Variants in VWA5B2 observed in about 807,000 individuals in gnomAD.
VWA5B2 encodes the protein von Willebrand factor A domain containing 5B2.
Under a neutral mutation model 118.5 loss-of-function variants are expected in VWA5B2, and 93 were observed. That is an observed-to-expected ratio of 0.79 (90% CI 0.66 to 0.93). The LOEUF (loss-of-function observed/expected upper bound fraction) is 0.93, where lower values mean the gene tolerates loss of function less well. VWA5B2 is among the 40% of genes least tolerant of loss of function. VWA5B2 has a pLI of 0.00. For missense variants in VWA5B2, 1,546 were observed against 1,672.8 expected, an observed-to-expected ratio of 0.92 and a Z score of 1.32; for synonymous variants, 708 against 716.3, an observed-to-expected ratio of 0.99 and a Z score of 0.19.
chr3:184,239,915 C>T lies in VWA5B2; in HGVS notation c.2619C>T (p.Pro873=), dbSNP rs1560157022. The T allele has an allele frequency of 6.4e-7, 1 of 1,551,548 alleles. No homozygotes were observed. The highest frequency in any genetic ancestry group is 8.7e-7 in the Non-Finnish European group (1 of 1,146,988). ...GACCTGGAGATGGCTCACAGCCTCCCTCACCTCCTGTAAGAGAAGCTGCTT... is the reference window on the plus strand; with the variant it reads ...GACCTGGAGATGGCTCACAGCCTCCTTCACCTCCTGTAAGAGAAGCTGCTT... ...LWGPGDGSQP[P]SPPVREAAWD... The change falls in exon 16 of 20, where the codon CCC becomes CCT. Residue 873 remains proline (P), a synonymous_variant. Transcript: ENST00000691901. The surrounding 1 kb of genome is among the most constrained non-coding windows in gnomAD (Gnocchi z 5.1).
chr3:184,234,779 G>A (rs1560152393), intron 7 of VWA5B2, 24 bp downstream of exon 7: 1 of 1,550,752 alleles, frequency 6.4e-7, no homozygotes, highest in South Asian at 1.2e-5. Context: ...AGCCTGGCCT[G>A]GCCCCTGGCC....
In VWA5B2 at chr3:184,235,324, G is replaced by T. The variant is rs1444095723; in HGVS notation, c.1101+16G>T. 6.4e-7 allele frequency: 1 copy of T among 1,550,534 alleles called. No individual in the cohort carries two copies. The highest frequency in any genetic ancestry group is 8.7e-7 in the Non-Finnish European group (1 of 1,146,422). On this transcript the variant is annotated intron_variant, in intron 8 of 19. Coordinates refer to ENST00000691901, the MANE Select transcript of VWA5B2 (RefSeq NM_001390846.1). ...GGCACACAAGGCCCGTGGGGGTGTG[G>T]TGTGGGCAGGCCTGGGGGTTGGGTG...
At position 184,236,615 on chromosome 3, in the gene VWA5B2, A is replaced by G. The variant is rs1297164667; in HGVS notation, c.1422-23A>G. 7 of 1,549,818 alleles carry G rather than the reference A, an allele frequency of 4.5e-6. No individual in the cohort carries two copies. The East Asian group carries it at 1.7e-4, about 38-fold the overall frequency. On this transcript the variant is annotated intron_variant, in intron 10 of 19. Transcript: ENST00000691901. ...CCCACAAGGGGCTCCTGAAGATCAC[A>G]GCTGCTTCCTTTCCTTCATCAGATG...
chr3:184,230,554 G>C lies in VWA5B2; in HGVS notation c.26G>C (p.Ser9Thr). The change falls in exon 2 of 20, where the codon AGC becomes ACC. Residue 9 changes from serine (S) to threonine (T), a missense_variant. Ser to Thr is a moderately conservative substitution (Grantham distance 58). Transcript: ENST00000691901. MPGLYCPS[S>T]WTPLPLTDSW... is the part of the protein sequence containing the mutation. ...ATGCCCGGCCTGTACTGCCCCTCCA[G>C]CTGGACGCCGCTGCCGCTCACGGAC... 6.8e-7 allele frequency: 1 copy of C among 1,480,728 alleles called. No individual in the cohort carries two copies. The allele number at this position is 1,480,728 out of a possible 1,614,324, so 91.7% of individuals were successfully genotyped here. A position where few individuals can be genotyped will look rare whatever the true frequency, so the allele number is the denominator to read the frequency against.
At chr3:184,234,875 C>T (rs1717807810) in intron 7 of VWA5B2, 120 bp downstream of exon 7, 1 of 1,399,452 alleles carries the variant, frequency 7.1e-7, no homozygotes, top group Non-Finnish European at 9.6e-7. Context: ...TAAGATCTCT[C>T]CACAGCTGCC....
rs1311968641 is a variant in VWA5B2 at position 184,241,500 on chromosome 3, A to T, written c.3191A>T (p.Gln1064Leu). The T allele has an allele frequency of 2.6e-6, 4 of 1,551,608 alleles. No homozygotes were observed. The highest frequency in any genetic ancestry group is 2.6e-6 in the Non-Finnish European group (3 of 1,147,364). Residue 1064 changes from glutamine to leucine, a missense_variant, in exon 20 of 20, where the codon CAG (glutamine) becomes CTG (leucine). Physicochemically the swap from Gln to Leu is moderately radical, Grantham distance 113 (BLOSUM62 -2). Transcript: ENST00000691901. The surrounding 1 kb of genome is among the most constrained non-coding windows in gnomAD (Gnocchi z 5.1). ...CTCCTCTCTCCTCAGGTGCGGCTGC[A>T]GGAGGCACCAGGCTCCTTCCGCCTG... ...DHDYLPLVRLQEAPGSFRLDA... is the reference protein window; with the variant it reads ...DHDYLPLVRLLEAPGSFRLDA...
At position 184,242,045 on chromosome 3, in the gene VWA5B2, C is replaced by T; in HGVS notation, c.*7C>T. 2 of 1,547,990 alleles carry T rather than the reference C, an allele frequency of 1.3e-6. No homozygotes were observed. The highest frequency in any genetic ancestry group is 1.7e-6 in the Non-Finnish European group (2 of 1,146,862). ...CAGCCCAGCGAACGTGTGAAGGCTG[C>T]CCCCTGCTGCTTGGGCTGGCGCCCC... On this transcript the variant is annotated 3_prime_UTR_variant, in exon 20 of 20. Transcript: ENST00000691901.
In VWA5B2 at chr3:184,238,271, G is replaced by A; in HGVS notation, c.1720-32G>A. The A allele has an allele frequency of 6.9e-7, 1 of 1,458,150 alleles. No individual in the cohort carries two copies. The highest frequency in any genetic ancestry group is 1.4e-5 in the South Asian group (1 of 70,322). 90.3% of individuals were successfully genotyped at this position (1,458,150 alleles called of 1,614,324 possible). A position where few individuals can be genotyped will look rare whatever the true frequency, so the allele number is the denominator to read the frequency against. On this transcript the variant is annotated intron_variant, in intron 12 of 19. Transcript: ENST00000691901. The surrounding 1 kb of genome is among the most constrained non-coding windows in gnomAD (Gnocchi z 5.0). ...TGGAAAGAGGTAGCACATAACTGCA[G>A]TTAATTTTTTTCCCAATAATATTCT...
chr3:184,240,908 C>A lies in VWA5B2; in HGVS notation c.2858C>A (p.Ala953Asp). ...ACTACTAGGGAGGTCCTGCCTGGGGCCCTGCAGGTGTGCAGCTCAGGTAGG... is the reference window on the plus strand; with the variant it reads ...ACTACTAGGGAGGTCCTGCCTGGGGACCTGCAGGTGTGCAGCTCAGGTAGG... ...DATTREVLPG[A>D]LQVCSSEPAE... The change falls in exon 17 of 20, where the codon GCC becomes GAC. Residue 953 changes from alanine (A) to aspartate (D), a missense_variant. This residue lies in a region of VWA5B2 where 763 missense variants were observed against 766.6 expected (regional missense o/e 1.00). Transcript: ENST00000691901. 2 of 1,551,626 alleles carry A rather than the reference C, an allele frequency of 1.3e-6. No homozygotes were observed. Among genetic ancestry groups the A allele is most frequent in the Non-Finnish European group, 1.7e-6 (2 of 1,146,968 alleles).
chr3:184,239,469 C>T lies in VWA5B2; in HGVS notation c.2278C>T (p.Pro760Ser). The change falls in exon 15 of 20, where the codon CCA (proline) becomes TCA (serine). Residue 760 changes from proline to serine, a missense_variant. Transcript: ENST00000691901. The surrounding 1 kb of genome is among the most constrained non-coding windows in gnomAD (Gnocchi z 5.1). ...ALAGRSLSSP[P>S]GRANQVPGRP... ...GGCTGGCCGAAGCCTCTCATCCCCT[C>T]CAGGCCGGGCAAACCAAGTCCCCGG... 1.9e-6 allele frequency: 3 copies of T among 1,550,228 alleles called. No individual in the cohort carries two copies. Among genetic ancestry groups the T allele is most frequent in the Non-Finnish European group, 2.6e-6 (3 of 1,146,608 alleles).
rs1717636800 is a variant in VWA5B2 at position 184,233,554 on chromosome 3, CCCT to C, written c.531-17_531-15del. The stretch of plus-strand genomic sequence containing the variant: ...AGGGGCCTTCACAGTGGCCCAGTGA[CCCT>C]CCTCATGCTCCCTTCCAGCCCCACC... On this transcript the variant is annotated intron_variant, in intron 4 of 19. Transcript: ENST00000691901. This position sits in a 1 kb window ranked among gnomAD's most constrained non-coding sequence, Gnocchi z 5.2. 2 of 1,546,662 alleles carry C rather than the reference CCCT, an allele frequency of 1.3e-6. No individual in the cohort carries two copies. The highest frequency in any genetic ancestry group is 2.0e-5 in the Admixed American group (1 of 50,612).
rs1359888201 is a variant in VWA5B2 at position 184,235,325 on chromosome 3, T to C, written c.1101+17T>C. On this transcript the variant is annotated intron_variant, in intron 8 of 19. Transcript: ENST00000691901. The stretch of plus-strand genomic sequence containing the variant: ...GCACACAAGGCCCGTGGGGGTGTGG[T>C]GTGGGCAGGCCTGGGGGTTGGGTGG... 4 of 1,550,256 alleles carry C rather than the reference T, an allele frequency of 2.6e-6. No homozygotes were observed. Among genetic ancestry groups the C allele is most frequent in the Non-Finnish European group, 2.6e-6 (3 of 1,146,356 alleles).
chr3:184,240,972 C>T (rs960726112), intron 17 of VWA5B2, 44 bp downstream of exon 17: 19 of 1,551,428 alleles, frequency 1.2e-5, no homozygotes, highest in Non-Finnish European at 1.7e-6. Context: ...GCTCTCACCT[C>T]ACTGGCCACT....
rs1577094027 is a variant in VWA5B2, at chr3:184,239,629, T to G, written c.2392+46T>G. On this transcript the variant is annotated intron_variant, in intron 15 of 19. Coordinates refer to ENST00000691901, the MANE Select transcript of VWA5B2 (RefSeq NM_001390846.1). This position sits in a 1 kb window ranked among gnomAD's most constrained non-coding sequence, Gnocchi z 5.1. ...TGGTTTCCCTGACACCAAAGAGGCC[T>G]TGGGGAGGTAAAGCCCAGAGGACCA... 2 of 1,476,742 alleles carry G rather than the reference T, an allele frequency of 1.4e-6. No homozygotes were observed. Among genetic ancestry groups the G allele is most frequent in the Non-Finnish European group, 1.8e-6 (2 of 1,105,892 alleles). 91.5% of individuals were successfully genotyped at this position (1,476,742 alleles called of 1,614,324 possible).
chr3:184,238,922 T>G lies in VWA5B2; in HGVS notation c.2202+49T>G. The G allele has an allele frequency of 2.1e-6, 3 of 1,433,006 alleles. No homozygotes were observed. Among genetic ancestry groups the G allele is most frequent in the Non-Finnish European group, 2.8e-6 (3 of 1,081,306 alleles). 88.8% of individuals were successfully genotyped at this position (1,433,006 alleles called of 1,614,324 possible). A position where few individuals can be genotyped will look rare whatever the true frequency, so the allele number is the denominator to read the frequency against. ...CGCCTTGTATCCAGCAAATATTTAT[T>G]TACCACCTGCTGTGCACCAGATATT... On this transcript the variant is annotated intron_variant, in intron 14 of 19. Coordinates refer to ENST00000691901, the MANE Select transcript of VWA5B2 (RefSeq NM_001390846.1). This position sits in a 1 kb window ranked among gnomAD's most constrained non-coding sequence, Gnocchi z 5.0.
chr3:184,231,581 T>C (rs913356098), intron 3 of VWA5B2, among the ~76,000 whole-genome samples: 2 of 152,260 alleles, frequency 1.3e-5, no homozygotes, highest in African/African-American at 4.8e-5. Context: ...GTTATGGCAC[T>C]TACAGGGGGA....
In VWA5B2 at chr3:184,239,260, CT is replaced by C; in HGVS notation, c.2203-132del. 1 of 982,160 alleles carries C rather than the reference CT, an allele frequency of 1.0e-6. No individual in the cohort carries two copies. The highest frequency in any genetic ancestry group is 1.4e-6 in the Non-Finnish European group (1 of 703,014). 60.8% of individuals were successfully genotyped at this position (982,160 alleles called of 1,614,324 possible). A position where few individuals can be genotyped will look rare whatever the true frequency, so the allele number is the denominator to read the frequency against. ...AGAGGTCACTGTAGGCCATAAGGAACTTGGCCTTCCTCCTCAAGCTGGTGAG... is the reference window on the plus strand; with the variant it reads ...AGAGGTCACTGTAGGCCATAAGGAACTGGCCTTCCTCCTCAAGCTGGTGAG... On this transcript the variant is annotated intron_variant, in intron 14 of 19. Coordinates refer to ENST00000691901, the MANE Select transcript of VWA5B2 (RefSeq NM_001390846.1). The surrounding 1 kb of genome is among the most constrained non-coding windows in gnomAD (Gnocchi z 5.1).
chr3:184,230,293 C>T (rs1275764324), intron 1 of VWA5B2, 87 bp from the exon 2 acceptor site: 4 of 454,156 alleles, frequency 8.8e-6, no homozygotes, highest in Non-Finnish European at 1.5e-5. Context: ...CCCTCCGCGG[C>T]CCGGCTGCCC....
At chr3:184,230,146 C>CG (rs1011003042) in intron 1 of VWA5B2, among the ~76,000 whole-genome samples, 8 of 152,218 alleles carry the variant, frequency 5.3e-5, no homozygotes, top group East Asian at 1.9e-4. Context: ...CTGGCGGCCG[C>CG]GGGGGGCCCC....
Sources: allele counts gnomAD v4.1 joint callset (sites outside exome capture counted in the v4.1 genomes callset), GRCh38; gene constraint gnomAD v4.1.1; regional missense constraint gnomAD v4.1.1; non-coding constraint Gnocchi (gnomAD v3.1); transcripts MANE v1.5; gene names NCBI Gene and HGNC (gene_info 2026-07-23, HGNC 2026-07-21).